The following SPTBN4 variants were observed in gnomAD, a reference collection of about 807,000 sequenced individuals.
SPTBN4 encodes the protein spectrin beta chain, non-erythrocytic 4.
Under a neutral mutation model 277.8 loss-of-function variants are expected in SPTBN4, and 96 were observed. That is an observed-to-expected ratio of 0.35 (90% CI 0.29 to 0.41). The LOEUF is 0.41. SPTBN4 is among the 10% of genes least tolerant of loss of function. The probability of loss-of-function intolerance (pLI) is 1.00; values close to 1 mark genes in which losing one functional copy is unlikely to be tolerated. For synonymous variants in SPTBN4, 1,481 were observed against 1,580.3 expected (o/e 0.94, Z 1.49); for missense variants, 3,006 against 3,595.7 (o/e 0.84, Z 4.19).
At chr19:40,541,215 AG>A (rs1000573294) in intron 20 of SPTBN4, among the ~76,000 whole-genome samples, 33 of 152,182 alleles carry the variant, frequency 2.2e-4, no homozygotes, top group African/African-American at 7.7e-4. Flanking sequence ...CCCTCCCTGT[AG>A]GGGGTTCAGT....
intron 7 of SPTBN4, among the ~76,000 whole-genome samples, chr19:40,498,803 G>A (rs2080231577): frequency 6.6e-6 from 1 of 151,732 alleles, no homozygotes; most frequent in Admixed American, 6.6e-5. Flanking sequence ...ACAGGCTCAA[G>A]TGATTCTCCC....
In SPTBN4 at chr19:40,513,248, G is replaced by A. The variant is rs759302997; in HGVS notation, c.2459G>A (p.Gly820Glu). 7.9e-6 allele frequency: 12 copies of A among 1,521,538 alleles called. No homozygotes were observed. The highest frequency in any genetic ancestry group is 2.1e-5 in the Admixed American group (1 of 48,730). 94.3% of individuals were successfully genotyped at this position (1,521,538 alleles called of 1,614,324 possible). A position where few individuals can be genotyped will look rare whatever the true frequency, so the allele number is the denominator to read the frequency against. The change falls in exon 14 of 36, where the codon GGG becomes GAG. Residue 820 changes from glycine to glutamate, a missense_variant. Gly to Glu is a moderately conservative substitution (Grantham distance 98). Coordinates refer to ENST00000598249, the MANE Select transcript of SPTBN4 (RefSeq NM_020971.3). ...RLARQHRALTGEVEAHRGPVS... is the reference protein window; with the variant it reads ...RLARQHRALTEEVEAHRGPVS... Reference sequence around the variant, plus strand: ...GCGCGCCAGCACCGCGCGCTCACCGGGGAGGTGGAGGCACATCGCGGGCCC... The same window carrying A: ...GCGCGCCAGCACCGCGCGCTCACCGAGGAGGTGGAGGCACATCGCGGGCCC...
chr19:40,538,105 A>G (rs991587720), intron 20 of SPTBN4, among the ~76,000 whole-genome samples: 1 of 152,184 alleles, frequency 6.6e-6, no homozygotes, highest in Non-Finnish European at 1.5e-5. Context: ...AACGGCAGCC[A>G]TGGCCAGACG....
chr19:40,543,254 C>T (rs966491812), intron 20 of SPTBN4, among the ~76,000 whole-genome samples: 15 of 152,052 alleles, frequency 9.9e-5, no homozygotes, highest in South Asian at 2.1e-4. Context: ...GTTGGAGACC[C>T]GCCTGGCCAA....
intron 20 of SPTBN4, 95 bp from the exon 21 acceptor site, chr19:40,549,094 G>A (rs2080887881): frequency 1.9e-6 from 2 of 1,048,782 alleles, no homozygotes; most frequent in South Asian, 3.3e-5. Flanking sequence ...GTGGGCCGCG[G>A]TGAGGGGTCT....
At chr19:40,506,913 A>G (rs771678703) in intron 13 of SPTBN4, among the ~76,000 whole-genome samples, 19 of 151,928 alleles carry the variant, frequency 1.3e-4, no homozygotes, top group Non-Finnish European at 2.4e-4. Flanking sequence ...GAGGCCAGGA[A>G]TTGGAGGCTT....
chr19:40,530,649 G>C (rs2080656157), intron 18 of SPTBN4: 1 of 911,298 alleles, frequency 1.1e-6, no homozygotes, highest in South Asian at 5.0e-5. Context: ...AGACAGGGGA[G>C]GGGGCTCGGG....
In SPTBN4 at chr19:40,550,337, G is replaced by A. The variant is rs1260726190; in HGVS notation, c.4674+10G>A. On this transcript the variant is annotated intron_variant, in intron 22 of 35. Transcript: ENST00000598249. ...CATCAAAAAGAACCAGGTGAGCAGA[G>A]CCAGGTGAGGGAGCGAGTTAGGACA... 4.4e-6 allele frequency: 7 copies of A among 1,605,432 alleles called. No homozygotes were observed. In the Admixed American group the frequency reaches 5.0e-5, roughly 11 times the overall value.
In SPTBN4 at chr19:40,571,951, G is replaced by A. The variant is rs374668566; in HGVS notation, c.7320-68G>A. 130 of 1,475,294 alleles carry A rather than the reference G, an allele frequency of 8.8e-5. No individual in the cohort carries two copies. In the East Asian group the frequency reaches 1.5e-3, roughly 17 times the overall value. 91.4% of individuals were successfully genotyped at this position (1,475,294 alleles called of 1,614,324 possible). A position where few individuals can be genotyped will look rare whatever the true frequency, so the allele number is the denominator to read the frequency against. On this transcript the variant is annotated intron_variant, in intron 33 of 35. Coordinates refer to ENST00000598249, the MANE Select transcript of SPTBN4 (RefSeq NM_020971.3). ...AGGCTCAGACATATTCAGACCTTGA[G>A]GATGTTAATGAAGAGTTATTAGGCA...
At chr19:40,472,191 G>T (rs2079892780) in intron 1 of SPTBN4, among the ~76,000 whole-genome samples, 1 of 151,960 alleles carries the variant, frequency 6.6e-6, no homozygotes, top group South Asian at 2.1e-4. Context: ...TTATAGGTGT[G>T]AGCCACCGTG....
At chr19:40,517,889 C>T (rs555872415) in intron 15 of SPTBN4, among the ~76,000 whole-genome samples, 2 of 152,178 alleles carry the variant, frequency 1.3e-5, no homozygotes, top group Admixed American at 6.6e-5. Flanking sequence ...AACTTGAACT[C>T]GGGTCTGCCT....
chr19:40,547,849 ATCTT>A (rs1357951449), intron 20 of SPTBN4, among the ~76,000 whole-genome samples: 1 of 152,184 alleles, frequency 6.6e-6, no homozygotes, highest in Non-Finnish European at 1.5e-5. Context: ...CAAATTATAA[ATCTT>A]TCCCTTTATG....
intron 20 of SPTBN4, among the ~76,000 whole-genome samples, chr19:40,539,013 C>T (rs2080769475): frequency 6.6e-6 from 1 of 152,224 alleles, no homozygotes; most frequent in South Asian, 2.1e-4. Flanking sequence ...CCATGCAGGT[C>T]AGTCCTGCAC....
chr19:40,532,465 A>G (rs2080687241), intron 18 of SPTBN4, among the ~76,000 whole-genome samples, 160 bp from the exon 19 acceptor site: 2 of 151,976 alleles, frequency 1.3e-5, no homozygotes, highest in Admixed American at 6.6e-5. Context: ...ACCCACCCCC[A>G]ATATAAAGGC....
intron 13 of SPTBN4, among the ~76,000 whole-genome samples, chr19:40,508,764 T>G (rs2080357844): frequency 1.3e-5 from 2 of 152,090 alleles, no homozygotes; most frequent in Admixed American, 1.3e-4. Context: ...GGAAGATGAT[T>G]CAGTGTAGTG....
intron 14 of SPTBN4, among the ~76,000 whole-genome samples, chr19:40,514,150 A>T (rs568532203): frequency 1.3e-5 from 2 of 152,290 alleles, no homozygotes; most frequent in East Asian, 3.9e-4. Flanking sequence ...CCCCCTCTGC[A>T]CCACTCTGTC....
At chr19:40,469,654 T>G (rs1238255256) in intron 1 of SPTBN4, among the ~76,000 whole-genome samples, 1 of 151,488 alleles carries the variant, frequency 6.6e-6, no homozygotes, top group East Asian at 1.9e-4. Context: ...TTTTTTTTTG[T>G]TTTTTTTGAG....
rs73561736 is a variant in SPTBN4, at chr19:40,498,345, G to A, written c.784+741G>A. Among the ~76,000 whole-genome samples the A allele has an allele frequency of 8.4e-3, 1,271 of 151,832 alleles. 16 individuals are homozygous for A. The highest frequency in any genetic ancestry group is 0.03 in the African/African-American group (1,222 of 41,372). The stretch of plus-strand genomic sequence containing the variant: ...TCATCTTCACACTGACCTGGTTAGA[G>A]AGAATTTATCAACCCTGTTTTATTT... On this transcript the variant is annotated intron_variant, in intron 7 of 35. Coordinates refer to ENST00000598249, the MANE Select transcript of SPTBN4 (RefSeq NM_020971.3).
Position 40,560,203 on chromosome 19 carries a change from T to C in SPTBN4, c.5715T>C (p.Tyr1905=), listed in dbSNP as rs1426407180. ...QEGAAQLRTV[Y]AGEHAEAIAS... Reference sequence around the variant, plus strand: ...GGGCGGCCCAGCTGCGGACGGTGTATGCGGGTGAACATGCCGAGGCCATCG... The same window carrying C: ...GGGCGGCCCAGCTGCGGACGGTGTACGCGGGTGAACATGCCGAGGCCATCG... Residue 1905 remains tyrosine, a synonymous_variant, in exon 27 of 36, where the codon TAT becomes TAC. Coordinates refer to ENST00000598249, the MANE Select transcript of SPTBN4 (RefSeq NM_020971.3). The surrounding 1 kb of genome is among the most constrained non-coding windows in gnomAD (Gnocchi z 5.2). 1.0e-5 allele frequency: 16 copies of C among 1,605,406 alleles called. No homozygotes were observed. Among genetic ancestry groups the C allele is most frequent in the Non-Finnish European group, 1.4e-5 (16 of 1,179,900 alleles).
Sources: gnomAD v4.1 joint callset for allele counts (sites outside exome capture counted in the v4.1 genomes callset) on GRCh38, gnomAD v4.1.1 for gene constraint, Gnocchi (gnomAD v3.1) non-coding constraint, MANE v1.5 for transcripts, NCBI Gene and HGNC (gene_info 2026-07-23, HGNC 2026-07-21) for gene names.